ATPSCKMT: variants seen among roughly 807,000 people sequenced by gnomAD.
ATPSCKMT encodes ATP synthase c subunit lysine N-methyltransferase, also known as ATP synthase subunit C lysine N-methyltransferase.
In ATPSCKMT, 24 loss-of-function variants were observed where a neutral mutation model predicts 24.3. The observed-to-expected ratio is 0.99, with a 90% CI of 0.71 to 1.39. The LOEUF is 1.39. ATPSCKMT is among the 40% of genes most tolerant of loss of function. ATPSCKMT has a pLI of 0.00. For missense variants in ATPSCKMT, 311 were observed against 298.4 expected, an observed-to-expected ratio of 1.04 and a Z score of -0.31; for synonymous variants, 95 against 110.5, an observed-to-expected ratio of 0.86 and a Z score of 0.88.
chr5:10,227,752 C>G, intron 4 of ATPSCKMT, 105 bp from the exon 5 acceptor site: 1 of 1,035,330 alleles, frequency 9.7e-7, no homozygotes. Flanking sequence ...GCAAAAATTA[C>G]TACTTGTTAA....
At chr5:10,237,724 T>A (rs1744436927) in intron 2 of ATPSCKMT, among the ~76,000 whole-genome samples, 1 of 151,844 alleles carries the variant, frequency 6.6e-6, no homozygotes, top group Admixed American at 6.6e-5. Flanking sequence ...TATGTCTTTA[T>A]CAGCAGCATG....
chr5:10,231,549 C>G (rs565130854), intron 4 of ATPSCKMT, among the ~76,000 whole-genome samples: 5 of 152,010 alleles, frequency 3.3e-5, no homozygotes, highest in African/African-American at 1.2e-4. Flanking sequence ...CACTGCCCCC[C>G]ACCCTGCCCG....
intron 2 of ATPSCKMT, 61 bp from the exon 3 acceptor site, chr5:10,236,676 C>A (rs544397008): frequency 1.3e-6 from 2 of 1,589,414 alleles, no homozygotes; most frequent in African/African-American, 1.4e-5. Flanking sequence ...CATGGTCAAA[C>A]AATATGAATA....
intron 4 of ATPSCKMT, among the ~76,000 whole-genome samples, chr5:10,234,933 C>T (rs1744307902): frequency 6.6e-6 from 1 of 152,206 alleles, no homozygotes; most frequent in Admixed American, 6.5e-5. Context: ...ACATTAGACA[C>T]GGGACCTCAG....
intron 4 of ATPSCKMT, among the ~76,000 whole-genome samples, chr5:10,231,634 C>T (rs1009351099): frequency 6.6e-6 from 1 of 152,072 alleles, no homozygotes; most frequent in Non-Finnish European, 1.5e-5. Flanking sequence ...TGCCCCACCC[C>T]GCCCTTGCTT....
chr5:10,241,098 C>T (rs770908785), intron 1 of ATPSCKMT, among the ~76,000 whole-genome samples: 1 of 152,048 alleles, frequency 6.6e-6, no homozygotes, highest in Non-Finnish European at 1.5e-5. Flanking sequence ...TGGGGGCCCT[C>T]GGGCAGGTTT....
In ATPSCKMT at chr5:10,231,263, G is replaced by A. The variant is rs1180811241; in HGVS notation, c.496-3616C>T. Among the ~76,000 whole-genome samples the A allele has an allele frequency of 3.3e-5, 5 of 152,132 alleles. No homozygotes were observed. The South Asian group carries it at 1.0e-3, about 32-fold the overall frequency. On this transcript the variant is annotated intron_variant, in intron 4 of 4. Coordinates refer to ENST00000511437, the MANE Select transcript of ATPSCKMT (RefSeq NM_199133.4). ...TCCCCAACGTTAGATCTGCCAGCTA[G>A]TCCTGTGGATTTTATCTTCACAATG... is the stretch of plus-strand genomic sequence containing the variant.
At chr5:10,227,711 C>CCG (rs1554007407) in intron 4 of ATPSCKMT, 64 bp from the exon 5 acceptor site, 4 of 1,513,156 alleles carry the variant, frequency 2.6e-6, no homozygotes, top group African/African-American at 1.4e-5. Flanking sequence ...CCCAAAATTT[C>CCG]CTGTTTTTAA....
intron 4 of ATPSCKMT, 54 bp from the exon 5 acceptor site, chr5:10,227,701 CCCAAA>C: frequency 1.3e-6 from 2 of 1,504,282 alleles, no homozygotes; most frequent in Non-Finnish European, 1.8e-6. Context: ...AGGAAATGAT[CCCAAA>C]ATTTCCTGTT....
At chr5:10,235,374 T>C in intron 3 of ATPSCKMT, 113 bp from the exon 4 acceptor site, 1 of 853,950 alleles carries the variant, frequency 1.2e-6, no homozygotes, top group Non-Finnish European at 1.9e-6. Context: ...CGGTGGGTTT[T>C]GATGAACTCC....
intron 2 of ATPSCKMT, among the ~76,000 whole-genome samples, chr5:10,238,331 C>T (rs1037437959): frequency 6.6e-6 from 1 of 152,190 alleles, no homozygotes; most frequent in Non-Finnish European, 1.5e-5. Context: ...CTAACCTCCT[C>T]GTGATTATTC....
At chr5:10,246,203 G>A (rs1744916547) in intron 1 of ATPSCKMT, among the ~76,000 whole-genome samples, 1 of 152,062 alleles carries the variant, frequency 6.6e-6, no homozygotes, top group South Asian at 2.1e-4. Flanking sequence ...GCCGAGGTGG[G>A]CGGATCACTT....
intron 4 of ATPSCKMT, among the ~76,000 whole-genome samples, chr5:10,234,992 A>T (rs753575938): frequency 3.9e-5 from 6 of 152,250 alleles, no homozygotes; most frequent in Non-Finnish European, 8.8e-5. Flanking sequence ...AATCATTGAG[A>T]ATTTAATCTG....
chr5:10,230,103 A>C (rs1744057077), intron 4 of ATPSCKMT, among the ~76,000 whole-genome samples: 1 of 150,504 alleles, frequency 6.6e-6, no homozygotes, highest in South Asian at 2.1e-4. Context: ...TGATGGTTTT[A>C]TTCCTGGCCT....
intron 4 of ATPSCKMT, among the ~76,000 whole-genome samples, chr5:10,230,886 C>G (rs1403889013): frequency 6.6e-6 from 1 of 152,130 alleles, no homozygotes. Flanking sequence ...CCTTCAACAG[C>G]TCATCCTCGT....
intron 2 of ATPSCKMT, among the ~76,000 whole-genome samples, chr5:10,238,051 A>T (rs965953968): frequency 2.0e-5 from 3 of 152,168 alleles, no homozygotes; most frequent in African/African-American, 7.2e-5. Flanking sequence ...GGCCACTAAT[A>T]AATTTCTTAG....
intron 4 of ATPSCKMT, among the ~76,000 whole-genome samples, chr5:10,231,383 C>T (rs556321605): frequency 2.1e-3 from 327 of 152,296 alleles, no homozygotes; most frequent in Non-Finnish European, 3.4e-3. Context: ...ACCCCTGCCT[C>T]CACATGGCAG....
At chr5:10,245,151 T>G (rs1275564590) in intron 1 of ATPSCKMT, among the ~76,000 whole-genome samples, 1 of 152,204 alleles carries the variant, frequency 6.6e-6, no homozygotes, top group African/African-American at 2.4e-5. Context: ...CTGGGCATGG[T>G]GGCTCACGCC....
intron 1 of ATPSCKMT, among the ~76,000 whole-genome samples, chr5:10,243,424 CA>C (rs1292246106): frequency 1.9e-4 from 29 of 152,042 alleles, no homozygotes; most frequent in South Asian, 1.5e-3. Context: ...GCAGAGGTTG[CA>C]GTGATCAGGC....
Sources: gnomAD v4.1 joint callset for allele counts (sites outside exome capture counted in the v4.1 genomes callset) on GRCh38, gnomAD v4.1.1 for gene constraint, MANE v1.5 for transcripts, NCBI Gene and HGNC (gene_info 2026-07-23, HGNC 2026-07-21) for gene names.